Variants in LMF1 observed in about 807,000 individuals in gnomAD.
The protein encoded by LMF1 is transmembrane protein 112.
A neutral mutation model predicts 60.6 loss-of-function variants in LMF1; 68 were observed. That is an observed-to-expected ratio of 1.12 (90% CI 0.92 to 1.37). The LOEUF (loss-of-function observed/expected upper bound fraction) is 1.37. Among genes scored for constraint, LMF1 ranks in the 40% most tolerant of loss-of-function variants. The pLI, the probability that LMF1 is intolerant of heterozygous loss-of-function variation, is 0.00. For synonymous variants in LMF1, 418 were observed against 324.7 expected (o/e 1.29, Z -3.09); for missense variants, 948 against 767.2 (o/e 1.24, Z -2.78).
intron 5 of LMF1, among the ~76,000 whole-genome samples, chr16:889,395 T>C (rs1438148229): frequency 1.4e-5 from 2 of 145,448 alleles, no homozygotes; most frequent in Non-Finnish European, 3.0e-5. Flanking sequence ...TGGCCGTGGG[T>C]GTGAGGCTGT....
intron 2 of LMF1, among the ~76,000 whole-genome samples, chr16:943,855 T>G (rs1165628782): frequency 2.6e-5 from 4 of 152,194 alleles, no homozygotes; most frequent in Non-Finnish European, 4.4e-5. Context: ...CTTGTGACCC[T>G]TTTTTGTTTC....
chr16:878,274 C>T lies in LMF1; in HGVS notation c.897+1296G>A, dbSNP rs1006386101. On this transcript the variant is annotated intron_variant, in intron 6 of 10. Coordinates refer to ENST00000262301, the MANE Select transcript of LMF1 (RefSeq NM_022773.4). This position sits in a 1 kb window ranked among gnomAD's most constrained non-coding sequence, Gnocchi z 5.2. ...CCGTTCTTCCCACTTAGATTCACGG[C>T]GACATCGATGCCCACAGGGAAATCA... Among the ~76,000 whole-genome samples, 3 of 152,072 alleles carry T rather than the reference C, an allele frequency of 2.0e-5. No individual in the cohort carries two copies. The highest frequency in any genetic ancestry group is 2.9e-5 in the Non-Finnish European group (2 of 68,010).
intron 2 of LMF1, among the ~76,000 whole-genome samples, chr16:952,157 C>T (rs1251153108): frequency 6.6e-6 from 1 of 152,160 alleles, no homozygotes; most frequent in African/African-American, 2.4e-5. Context: ...ACTGTCTGGC[C>T]TGCTTGTTGA....
rs2070050595 is a variant in LMF1, at chr16:878,212, C to T, written c.897+1358G>A. Among the ~76,000 whole-genome samples, 1 of 152,140 alleles carries T rather than the reference C, an allele frequency of 6.6e-6. No homozygotes were observed. The highest frequency in any genetic ancestry group is 2.4e-5 in the African/African-American group (1 of 41,426). ...AGCCCTGAGCAGCTGCAGAGAGAAACGTGCGGTCCTGGCTGGGGGACGATC... is the reference window on the plus strand; with the variant it reads ...AGCCCTGAGCAGCTGCAGAGAGAAATGTGCGGTCCTGGCTGGGGGACGATC... On this transcript the variant is annotated intron_variant, in intron 6 of 10. Transcript: ENST00000262301. The surrounding 1 kb of genome is among the most constrained non-coding windows in gnomAD (Gnocchi z 5.2).
At chr16:947,478 G>A (rs760389363) in intron 2 of LMF1, 1 of 456,054 alleles carries the variant, frequency 2.2e-6, no homozygotes, top group South Asian at 1.5e-5. Context: ...CTGGGTGCTG[G>A]CGGCCTCCCA....
chr16:926,207 CTG>C (rs1289697230), intron 3 of LMF1, among the ~76,000 whole-genome samples: 1 of 147,166 alleles, frequency 6.8e-6, no homozygotes. Context: ...ATACGTGGGT[CTG>C]TGTGCGCGTG....
intron 4 of LMF1, among the ~76,000 whole-genome samples, chr16:895,892 C>T (rs11862666): frequency 0.24 from 28,630 of 121,112 alleles, 564 homozygotes; most frequent in East Asian, 0.31. Context: ...GCAGGCTGCA[C>T]GGTCCACAGA....
At chr16:932,449 G>A (rs558851122) in intron 3 of LMF1, among the ~76,000 whole-genome samples, 8 of 152,322 alleles carry the variant, frequency 5.3e-5, no homozygotes, top group Middle Eastern at 6.8e-3. Flanking sequence ...TCACGGACTC[G>A]ATTTTGCGAT....
intron 1 of LMF1, among the ~76,000 whole-genome samples, chr16:966,339 C>T (rs889555628): frequency 7.2e-5 from 11 of 152,200 alleles, no homozygotes; most frequent in African/African-American, 2.4e-4. Context: ...GTGCAGGCGC[C>T]GAGCAGCCGG....
At chr16:916,760 A>T (rs1477022810) in intron 3 of LMF1, among the ~76,000 whole-genome samples, 1 of 152,258 alleles carries the variant, frequency 6.6e-6, no homozygotes, top group Non-Finnish European at 1.5e-5. Flanking sequence ...GGACAAGTGC[A>T]GGCTCTGCCA....
At chr16:889,126 G>A (rs1276499935) in intron 5 of LMF1, among the ~76,000 whole-genome samples, 1 of 152,208 alleles carries the variant, frequency 6.6e-6, no homozygotes, top group East Asian at 1.9e-4. Flanking sequence ...AGGGCACCCT[G>A]GTGGAGTCCA....
At chr16:879,889 G>C (rs558010136) in intron 5 of LMF1, among the ~76,000 whole-genome samples, 152 bp from the exon 6 acceptor site, 32 of 152,312 alleles carry the variant, frequency 2.1e-4, no homozygotes, top group African/African-American at 7.7e-4. Flanking sequence ...GAGCCCACCT[G>C]CCACGCTAAG....
chr16:935,820 TTTG>T (rs2071926680), intron 2 of LMF1, among the ~76,000 whole-genome samples: 1 of 152,210 alleles, frequency 6.6e-6, no homozygotes, highest in Non-Finnish European at 1.5e-5. Flanking sequence ...TCGTCCGACC[TTTG>T]AATATGTCTG....
intron 5 of LMF1, among the ~76,000 whole-genome samples, chr16:884,680 G>A (rs1221394640): frequency 3.3e-5 from 5 of 151,526 alleles, no homozygotes; most frequent in African/African-American, 1.2e-4. Context: ...AGATCTCCAC[G>A]CAGGAGTGAA....
At chr16:887,899 C>G (rs941803329) in intron 5 of LMF1, among the ~76,000 whole-genome samples, 2 of 152,220 alleles carry the variant, frequency 1.3e-5, no homozygotes, top group African/African-American at 4.8e-5. Context: ...GGCTGCCGGC[C>G]ACAGGCTGGG....
intron 6 of LMF1, among the ~76,000 whole-genome samples, chr16:876,757 G>T (rs990610132): frequency 4.6e-5 from 7 of 151,784 alleles, no homozygotes; most frequent in African/African-American, 1.7e-4. Context: ...GGGTCATGGT[G>T]GCAAAGATGC....
At position 879,570 on chromosome 16, in the gene LMF1, C is replaced by A. The variant is rs376162377; in HGVS notation, c.897G>T (p.Gln299His). The change falls in exon 6 of 11, where the codon CAG becomes CAT. Residue 299 changes from glutamine to histidine, a missense_variant and splice_region_variant. By Grantham distance (24) the Gln-to-His change is conservative. Coordinates refer to ENST00000262301, the MANE Select transcript of LMF1 (RefSeq NM_022773.4). Reference protein sequence around the residue: ...IIHGVLQILFQAVLIVSGNLS... With the variant: ...IIHGVLQILFHAVLIVSGNLS... ...GGCAGGGCGGGCGGCGCGGGCTCAC[C>A]TGGAACAGGATCTGCAGCACCCCGT... The A allele has an allele frequency of 1.9e-6, 3 of 1,612,542 alleles. No homozygotes were observed. In the African/African-American group the frequency reaches 4.0e-5, roughly 22 times the overall value.
chr16:912,909 C>T (rs1392141610), intron 3 of LMF1, among the ~76,000 whole-genome samples: 5 of 152,242 alleles, frequency 3.3e-5, no homozygotes, highest in Admixed American at 6.5e-5. Context: ...GCTGCCAGGG[C>T]GGCCTCAGCG....
At chr16:884,756 G>A (rs1028682766) in intron 5 of LMF1, among the ~76,000 whole-genome samples, 3 of 150,438 alleles carry the variant, frequency 2.0e-5, no homozygotes, top group Non-Finnish European at 4.4e-5. Context: ...CGGTCTCCAC[G>A]CAGGAGTGAA....
Sources: allele counts gnomAD v4.1 joint callset (sites outside exome capture counted in the v4.1 genomes callset), GRCh38; gene constraint gnomAD v4.1.1; non-coding constraint Gnocchi (gnomAD v3.1); transcripts MANE v1.5; gene names NCBI Gene and HGNC (gene_info 2026-07-23, HGNC 2026-07-21).